LUZP2: variants seen among roughly 807,000 people sequenced by gnomAD.
LUZP2 encodes leucine zipper protein 2.
Under a neutral mutation model 51.6 loss-of-function variants are expected in LUZP2, and 52 were observed. The observed-to-expected ratio is 1.01, with a 90% confidence interval of 0.81 to 1.27. LUZP2 has a LOEUF of 1.27. LUZP2 is among the 50% of genes most tolerant of loss of function. The pLI is 0.00. For missense variants in LUZP2, 436 were observed against 395.4 expected (o/e 1.10, Z -0.87); for synonymous variants, 154 against 137.3 (o/e 1.12, Z -0.85).
At chr11:24,901,618 T>G (rs1853285173) in intron 5 of LUZP2, among the ~76,000 whole-genome samples, 1 of 152,170 alleles carries the variant, frequency 6.6e-6, no homozygotes, top group Non-Finnish European at 1.5e-5. Context: ...CCTCAGGTCT[T>G]GTCTTAGACT....
intron 5 of LUZP2, among the ~76,000 whole-genome samples, chr11:24,884,288 A>G (rs1161783003): frequency 6.6e-6 from 1 of 152,046 alleles, no homozygotes; most frequent in Non-Finnish European, 1.5e-5. Flanking sequence ...CAGATTAAAT[A>G]AAGGAAGCTA....
At chr11:24,755,631 T>C (rs1275153770) in intron 4 of LUZP2, among the ~76,000 whole-genome samples, 2 of 152,166 alleles carry the variant, frequency 1.3e-5, no homozygotes, top group East Asian at 1.9e-4. Context: ...CAAAGAAACC[T>C]GAAAAACTAG....
intron 1 of LUZP2, among the ~76,000 whole-genome samples, chr11:24,532,981 G>T (rs958822756): frequency 6.6e-6 from 1 of 151,072 alleles, no homozygotes; most frequent in Non-Finnish European, 1.5e-5. Flanking sequence ...TTTCCTGAGG[G>T]CTACATCTTC....
chr11:24,884,852 C>T (rs1852619877), intron 5 of LUZP2, among the ~76,000 whole-genome samples: 1 of 152,004 alleles, frequency 6.6e-6, no homozygotes, highest in African/African-American at 2.4e-5. Flanking sequence ...GTTGTTTTTG[C>T]CCCATTCCCA....
chr11:24,702,123 C>T (rs1325162236), intron 1 of LUZP2, among the ~76,000 whole-genome samples: 1 of 152,116 alleles, frequency 6.6e-6, no homozygotes, highest in African/African-American at 2.4e-5. Context: ...AGTGTATACA[C>T]TATTCAATTG....
At chr11:25,010,939 T>A (rs1856966928) in intron 9 of LUZP2, among the ~76,000 whole-genome samples, 1 of 152,120 alleles carries the variant, frequency 6.6e-6, no homozygotes, top group African/African-American at 2.4e-5. Context: ...TCACAAGTAC[T>A]CCCAATTAAT....
intron 1 of LUZP2, among the ~76,000 whole-genome samples, chr11:24,536,171 G>A (rs1338419416): frequency 2.6e-5 from 4 of 151,608 alleles, no homozygotes; most frequent in South Asian, 2.1e-4. Context: ...TTAACATGCC[G>A]GCAGAGTAGA....
intron 7 of LUZP2, among the ~76,000 whole-genome samples, chr11:24,915,396 G>T (rs114184256): frequency 6.6e-6 from 1 of 151,948 alleles, no homozygotes; most frequent in Non-Finnish European, 1.5e-5. Context: ...TATACATATT[G>T]TGTCTTCATC....
At chr11:25,007,753 G>A (rs1200921636) in intron 9 of LUZP2, among the ~76,000 whole-genome samples, 1 of 152,144 alleles carries the variant, frequency 6.6e-6, no homozygotes, top group Non-Finnish European at 1.5e-5. Context: ...AGGAGGAAGG[G>A]CAATGTTTAC....
chr11:25,021,069 C>T lies in LUZP2; in HGVS notation c.766-28969C>T, dbSNP rs1266973614. On this transcript the variant is annotated intron_variant, in intron 9 of 11. Coordinates refer to ENST00000336930, the MANE Select transcript of LUZP2 (RefSeq NM_001009909.4). Reference sequence around the variant, plus strand: ...AGATGATAAACCCCTTCTGTTCAAGCTCTTCTTAGTTGGGGCTTATATAAC... The same window carrying T: ...AGATGATAAACCCCTTCTGTTCAAGTTCTTCTTAGTTGGGGCTTATATAAC... Among the ~76,000 whole-genome samples, 3 of 152,072 alleles carry T rather than the reference C, an allele frequency of 2.0e-5. No individual in the cohort carries two copies. The East Asian group carries it at 5.8e-4, about 29-fold the overall frequency.
intron 9 of LUZP2, among the ~76,000 whole-genome samples, chr11:24,985,260 GC>G: frequency 6.6e-6 from 1 of 151,662 alleles, no homozygotes. Context: ...CAAGAAAACT[GC>G]CGGATTTGTT....
intron 5 of LUZP2, among the ~76,000 whole-genome samples, chr11:24,851,151 T>G (rs1851382507): frequency 6.6e-6 from 1 of 152,206 alleles, no homozygotes. Flanking sequence ...AATATTCTGT[T>G]GAATAGAAGT....
chr11:24,681,027 TGC>T, intron 1 of LUZP2, among the ~76,000 whole-genome samples: 1 of 150,754 alleles, frequency 6.6e-6, no homozygotes, highest in Non-Finnish European at 1.5e-5. Context: ...CAGGCCGGAC[TGC>T]GGACTGCAGT....
intron 9 of LUZP2, among the ~76,000 whole-genome samples, chr11:25,008,834 G>C (rs1007610062): frequency 1.3e-5 from 2 of 152,102 alleles, no homozygotes; most frequent in African/African-American, 2.4e-5. Flanking sequence ...ATTCAGAAAG[G>C]GGAAGTGTGT....
At chr11:24,533,158 T>C (rs146514355) in intron 1 of LUZP2, among the ~76,000 whole-genome samples, 113 of 151,352 alleles carry the variant, frequency 7.5e-4, no homozygotes, top group African/African-American at 1.8e-3. Flanking sequence ...TGAATTTCCA[T>C]TGGATACCCC....
intron 1 of LUZP2, among the ~76,000 whole-genome samples, chr11:24,512,734 A>G (rs1023995924): frequency 2.0e-5 from 3 of 151,694 alleles, no homozygotes; most frequent in African/African-American, 7.3e-5. Flanking sequence ...TCCTGAATTT[A>G]ATGGTTATTT....
intron 7 of LUZP2, among the ~76,000 whole-genome samples, chr11:24,939,650 C>T (rs954190417): frequency 7.9e-5 from 12 of 151,814 alleles, no homozygotes; most frequent in African/African-American, 2.2e-4. Context: ...CATTTGGACA[C>T]GAATCACTAT....
chr11:25,050,377 C>T (rs533200583), intron 10 of LUZP2, among the ~76,000 whole-genome samples: 1 of 140,592 alleles, frequency 7.1e-6, no homozygotes, highest in Non-Finnish European at 1.5e-5. Flanking sequence ...TCTCGGCTCA[C>T]TGCAAGCTCC....
chr11:24,656,913 T>C (rs370219799), intron 1 of LUZP2, among the ~76,000 whole-genome samples: 1 of 152,202 alleles, frequency 6.6e-6, no homozygotes, highest in East Asian at 1.9e-4. Flanking sequence ...AATCTCTTTA[T>C]CTTAATGTCT....
Sources: gnomAD v4.1 joint callset for allele counts (sites outside exome capture counted in the v4.1 genomes callset) on GRCh38, gnomAD v4.1.1 for gene constraint, MANE v1.5 for transcripts, NCBI Gene and HGNC (gene_info 2026-07-23, HGNC 2026-07-21) for gene names.